RNF19A: variants seen among roughly 807,000 people sequenced by gnomAD.
RNF19A encodes the protein ring finger protein 19A, RBR E3 ubiquitin protein ligase.
RNF19A carries 32 observed loss-of-function variants against 75.7 expected under a neutral mutation model. The ratio of observed to expected loss-of-function variants is 0.42; its 90% CI spans 0.32 to 0.57. The LOEUF (loss-of-function observed/expected upper bound fraction) is 0.57, where lower values mean the gene tolerates loss of function less well. Ranked by LOEUF, RNF19A falls within the 20% of genes least tolerant of loss-of-function variation. The probability of loss-of-function intolerance (pLI) is 0.10; values close to 1 mark genes in which losing one functional copy is unlikely to be tolerated. For synonymous variants in RNF19A, 335 were observed against 345.2 expected, an observed-to-expected ratio of 0.97 and a Z score of 0.33; for missense variants, 782 against 1,036.3, an observed-to-expected ratio of 0.75 and a Z score of 3.37.
chr8:100,311,380 G>A (rs1034663459), upstream of RNF19A, among the ~76,000 whole-genome samples: 1 of 152,166 alleles, frequency 6.6e-6, no homozygotes, highest in African/African-American at 2.4e-5. Flanking sequence ...GATAGCACAA[G>A]AATAGTAAGT....
At chr8:100,319,233 AGTGATATTAT>A (rs1822428479) in intron 1 of RNF19A, among the ~76,000 whole-genome samples, 1 of 152,188 alleles carries the variant, frequency 6.6e-6, no homozygotes, top group South Asian at 2.1e-4. Context: ...CTAAAATTTT[AGTGATATTAT>A]GTTTTATATG....
upstream of RNF19A, chr8:100,313,243 G>A (rs1822327147): frequency 5.1e-6 from 4 of 787,494 alleles, no homozygotes; most frequent in South Asian, 1.2e-4. Context: ...CTTACATTGG[G>A]GGATGAGGAA....
In RNF19A at chr8:100,331,710, A is replaced by T. The variant is rs867342478; in HGVS notation, c.-243+4398T>A. Among the ~76,000 whole-genome samples the T allele has an allele frequency of 4.4e-4, 67 of 152,178 alleles. No homozygotes were observed. The highest frequency in any genetic ancestry group is 8.9e-4 in the African/African-American group (37 of 41,444). On this transcript the variant is annotated intron_variant, in intron 1 of 3. Coordinates refer to the RNF19A transcript ENST00000519527. This position sits in a 1 kb window ranked among gnomAD's most constrained non-coding sequence, Gnocchi z 5.2. Reference sequence around the variant, plus strand: ...AAGGGTAGAGTGAAAGTCTCTTTTTAAATTCTATTCTTTAATTTCCACCTC... The same window carrying T: ...AAGGGTAGAGTGAAAGTCTCTTTTTTAATTCTATTCTTTAATTTCCACCTC...
chr8:100,265,824 A>G (rs1819947474), intron 5 of RNF19A, among the ~76,000 whole-genome samples: 2 of 152,152 alleles, frequency 1.3e-5, no homozygotes, highest in African/African-American at 4.8e-5. Context: ...CCCATTTCCC[A>G]GCATTGACTA....
chr8:100,289,293 T>A (rs1031314563), intron 1 of RNF19A, among the ~76,000 whole-genome samples: 3 of 152,158 alleles, frequency 2.0e-5, no homozygotes, highest in Admixed American at 6.5e-5. Flanking sequence ...AAGAGACTAT[T>A]TCTATGAAAA....
In RNF19A at chr8:100,317,151, C is replaced by G. The variant is rs978395956; in HGVS notation, c.-242-3779G>C. 2.0e-5 allele frequency among the ~76,000 whole-genome samples: 3 copies of G among 152,244 alleles called. No individual in the cohort carries two copies. Among genetic ancestry groups the G allele is most frequent in the Non-Finnish European group, 4.4e-5 (3 of 68,036 alleles). On this transcript the variant is annotated intron_variant, in intron 1 of 3. Transcript: ENST00000519527. The surrounding 1 kb of genome is among the most constrained non-coding windows in gnomAD (Gnocchi z 4.3). ...CGCCGCACGCAGCCCAGCCCGGGTT[C>G]CCGCTCGCGCCTCTCCCTCCGCACC...
At position 100,275,111 on chromosome 8, in the gene RNF19A, C is replaced by G; in HGVS notation, c.725G>C (p.Gly242Ala). Residue 242 changes from glycine to alanine, a missense_variant, in exon 3 of 10, where the codon GGG (glycine) becomes GCG (alanine). This residue lies in a region of RNF19A where 85 missense variants were observed against 177.7 expected (regional missense o/e 0.48). Coordinates refer to ENST00000341084, the MANE Select transcript of RNF19A (RefSeq NM_183419.4). The surrounding 1 kb of genome is among the most constrained non-coding windows in gnomAD (Gnocchi z 4.3). ...GCASCPKLTC[G>A]REGCGTEFCY... ...AAACTCTGTTCCACAGCCCTCTCGC[C>G]CACAAGTTAATTTTGGACAGCTGGC... 1.2e-6 allele frequency: 2 copies of G among 1,614,046 alleles called. No homozygotes were observed. Among genetic ancestry groups the G allele is most frequent in the Non-Finnish European group, 1.7e-6 (2 of 1,180,016 alleles).
intron 1 of RNF19A, among the ~76,000 whole-genome samples, chr8:100,315,136 C>T (rs931045200): frequency 1.6e-4 from 25 of 152,054 alleles, no homozygotes; most frequent in Non-Finnish European, 3.5e-4. Context: ...GGAGTTTTGT[C>T]GTGTGCCCAG....
At chr8:100,311,928 T>C (rs531259905), upstream of RNF19A, among the ~76,000 whole-genome samples, 5 of 152,266 alleles carry the variant, frequency 3.3e-5, no homozygotes, top group African/African-American at 1.2e-4. Flanking sequence ...CTTTCTATTC[T>C]TCACTAGGCC....
At chr8:100,277,373 G>C (rs1430984781) in intron 2 of RNF19A, among the ~76,000 whole-genome samples, 1 of 151,952 alleles carries the variant, frequency 6.6e-6, no homozygotes, top group Admixed American at 6.6e-5. Flanking sequence ...GTGCAGTGGC[G>C]CGATCTCGGC....
At chr8:100,268,752 A>C in intron 5 of RNF19A, 33 bp downstream of exon 5, 1 of 1,426,434 alleles carries the variant, frequency 7.0e-7, no homozygotes, top group Non-Finnish European at 9.4e-7. Context: ...ATTTAGAATA[A>C]GATAATGGAC....
intron 1 of RNF19A, among the ~76,000 whole-genome samples, chr8:100,319,314 T>G (rs1822430677): frequency 6.6e-6 from 1 of 152,118 alleles, no homozygotes; most frequent in Non-Finnish European, 1.5e-5. Flanking sequence ...GTTTTTTTCT[T>G]TTTTAACACA....
intron 1 of RNF19A, among the ~76,000 whole-genome samples, chr8:100,293,696 G>GTC (rs1218318352): frequency 2.0e-5 from 3 of 152,014 alleles, no homozygotes; most frequent in Admixed American, 6.6e-5. Context: ...TTACCACACT[G>GTC]TCTCTCTCTC....
At chr8:100,274,053 G>A (rs1410242335) in intron 3 of RNF19A, among the ~76,000 whole-genome samples, 1 of 152,132 alleles carries the variant, frequency 6.6e-6, no homozygotes, top group Non-Finnish European at 1.5e-5. Flanking sequence ...CCAGAGTGCT[G>A]GGATTACAGG....
chr8:100,330,744 A>G lies in RNF19A; in HGVS notation c.-243+5364T>C, dbSNP rs1197951617. ...TCTTGAAGCCAAAGTAGTCTGAACA[A>G]TATGTTTGTCCTTTCAGTTTCTAAC... is the stretch of plus-strand genomic sequence containing the variant. On this transcript the variant is annotated intron_variant, in intron 1 of 3. Transcript: ENST00000519527. The surrounding 1 kb of genome is among the most constrained non-coding windows in gnomAD (Gnocchi z 4.1). Among the ~76,000 whole-genome samples, 1 of 152,186 alleles carries G rather than the reference A, an allele frequency of 6.6e-6. No individual in the cohort carries two copies. Among genetic ancestry groups the G allele is most frequent in the East Asian group, 1.9e-4 (1 of 5,202 alleles).
In RNF19A at chr8:100,287,286, C is replaced by G. The variant is rs931319333; in HGVS notation, c.674+215G>C. On this transcript the variant is annotated intron_variant, in intron 2 of 9. Transcript: ENST00000341084. This position sits in a 1 kb window ranked among gnomAD's most constrained non-coding sequence, Gnocchi z 4.1. Reference sequence around the variant, plus strand: ...ACCTTACCCTTTCCTTCTAAAAGTGCTCAGTGAGTATGTAACGCAGAGACG... The same window carrying G: ...ACCTTACCCTTTCCTTCTAAAAGTGGTCAGTGAGTATGTAACGCAGAGACG... Among the ~76,000 whole-genome samples the G allele has an allele frequency of 6.6e-6, 1 of 152,108 alleles. No homozygotes were observed. Among genetic ancestry groups the G allele is most frequent in the Non-Finnish European group, 1.5e-5 (1 of 68,020 alleles).
At chr8:100,310,023 C>T (rs753819107), upstream of RNF19A, 1 of 985,120 alleles carries the variant, frequency 1.0e-6, no homozygotes, top group Non-Finnish European at 1.2e-6. Flanking sequence ...GGAGGAGTCC[C>T]GACGGCCGCT....
At chr8:100,328,225 G>A (rs950541456) in intron 1 of RNF19A, among the ~76,000 whole-genome samples, 10 of 152,080 alleles carry the variant, frequency 6.6e-5, no homozygotes, top group African/African-American at 1.9e-4. Context: ...CTTAATCATC[G>A]TAATTGGCAC....
At chr8:100,315,319 G>A (rs1285614272) in intron 1 of RNF19A, among the ~76,000 whole-genome samples, 1 of 152,140 alleles carries the variant, frequency 6.6e-6, no homozygotes, top group African/African-American at 2.4e-5. Context: ...ATATGATATA[G>A]ACACAGGACA....
Sources: allele counts gnomAD v4.1 joint callset (sites outside exome capture counted in the v4.1 genomes callset), GRCh38; gene constraint gnomAD v4.1.1; regional missense constraint gnomAD v4.1.1; non-coding constraint Gnocchi (gnomAD v3.1); transcripts MANE v1.5; gene names NCBI Gene and HGNC (gene_info 2026-07-23, HGNC 2026-07-21).